The following ARHGEF26 variants were observed in gnomAD, a reference collection of about 807,000 sequenced individuals.
ARHGEF26 encodes Rho guanine nucleotide exchange factor 26.
ARHGEF26 carries 59 observed loss-of-function variants against 89.4 expected under a neutral mutation model. The observed-to-expected ratio is 0.66, with a 90% CI of 0.54 to 0.82. ARHGEF26 has a LOEUF of 0.82. ARHGEF26 is among the 40% of genes least tolerant of loss of function. The probability of loss-of-function intolerance (pLI) is 0.00; values close to 1 mark genes in which losing one functional copy is unlikely to be tolerated. For missense variants in ARHGEF26, 1,234 were observed against 1,085.6 expected (o/e 1.14, Z -1.92); for synonymous variants, 500 against 428.4 (o/e 1.17, Z -2.06).
chr3:154,249,602 G>A (rs1329138510), intron 12 of ARHGEF26, among the ~76,000 whole-genome samples: 2 of 152,148 alleles, frequency 1.3e-5, no homozygotes, highest in African/African-American at 4.8e-5. Flanking sequence ...TCTGCTCTGT[G>A]TGTTCCCTCA....
chr3:154,176,602 A>G (rs979706348), intron 6 of ARHGEF26, among the ~76,000 whole-genome samples: 9 of 152,180 alleles, frequency 5.9e-5, no homozygotes, highest in Non-Finnish European at 1.2e-4. Flanking sequence ...GCTGAGAGGC[A>G]TAAAGTGGCT....
rs115244323 is a variant in ARHGEF26, at chr3:154,158,424, A to G, written c.1487+5492A>G. ...GGAGTATTTGGGGAGTTAGAATCCT[A>G]CTGATTGTTTTTACCCTGCCTAAGA... On this transcript the variant is annotated intron_variant, in intron 6 of 14. Transcript: ENST00000465093. Among the ~76,000 whole-genome samples, 1,109 of 152,178 alleles carry G rather than the reference A, an allele frequency of 7.3e-3. 8 individuals carry two copies. The highest frequency in any genetic ancestry group is 0.025 in the African/African-American group (1,023 of 41,512).
At chr3:154,178,725 C>T (rs976584680) in intron 6 of ARHGEF26, among the ~76,000 whole-genome samples, 4 of 151,992 alleles carry the variant, frequency 2.6e-5, no homozygotes, top group African/African-American at 7.3e-5. Context: ...ATTTTTATTT[C>T]CCTCGGGTAT....
At chr3:154,172,970 T>G (rs184765221) in intron 6 of ARHGEF26, among the ~76,000 whole-genome samples, 14 of 152,320 alleles carry the variant, frequency 9.2e-5, no homozygotes, top group African/African-American at 3.1e-4. Flanking sequence ...GTAAAATGCT[T>G]ATTAAGGATC....
At chr3:154,177,194 A>G (rs115608447) in intron 6 of ARHGEF26, among the ~76,000 whole-genome samples, 566 of 152,326 alleles carry the variant, frequency 3.7e-3, no homozygotes, top group African/African-American at 6.4e-3. Context: ...AACGTATTTT[A>G]TAATTCTAAA....
chr3:154,134,931 A>G (rs759743217), intron 4 of ARHGEF26, among the ~76,000 whole-genome samples: 10 of 152,136 alleles, frequency 6.6e-5, no homozygotes, highest in African/African-American at 1.2e-4. Context: ...GATAAAGCCT[A>G]GTTGATCATG....
At chr3:154,139,027 A>G (rs1719191772) in intron 4 of ARHGEF26, among the ~76,000 whole-genome samples, 1 of 152,204 alleles carries the variant, frequency 6.6e-6, no homozygotes, top group South Asian at 2.1e-4. Flanking sequence ...CGGTCAGTGG[A>G]GAGCAGGTGT....
At position 154,152,929 on chromosome 3, in the gene ARHGEF26, A is replaced by G. The variant is rs776217579; in HGVS notation, c.1484A>G (p.Lys495Arg). ...ATTACAGATGTCTGTGAGGCAAGCA[A>G]AAAGTAAGTGCACTGCAGTCTGCCT... is the stretch of plus-strand genomic sequence containing the variant. ...SNITDVCEAS[K>R]KFFIELEARH... The change falls in exon 6 of 15, where the codon AAA becomes AGA. Residue 495 changes from lysine (K) to arginine (R), a missense_variant. Lys to Arg is a conservative substitution (Grantham distance 26, BLOSUM62 2). Coordinates refer to ENST00000465093, the MANE Select transcript of ARHGEF26 (RefSeq NM_015595.4). The G allele has an allele frequency of 1.3e-6, 2 of 1,583,070 alleles. No individual in the cohort carries two copies. The highest frequency in any genetic ancestry group is 1.7e-6 in the Non-Finnish European group (2 of 1,166,034).
chr3:154,153,445 CTA>C (rs981857103), intron 6 of ARHGEF26, among the ~76,000 whole-genome samples: 2 of 152,048 alleles, frequency 1.3e-5, no homozygotes, highest in African/African-American at 4.8e-5. Flanking sequence ...ATTTACTTAT[CTA>C]TTATTTTTGC....
At chr3:154,189,485 A>G (rs1449457866) in intron 7 of ARHGEF26, among the ~76,000 whole-genome samples, 3 of 151,826 alleles carry the variant, frequency 2.0e-5, no homozygotes, top group Admixed American at 6.6e-5. Flanking sequence ...CTACAAGTGC[A>G]TGCCACCACA....
Position 154,217,880 on chromosome 3 carries a change from A to G in ARHGEF26, c.1857A>G (p.Leu619=), listed in dbSNP as rs773014854. The G allele has an allele frequency of 5.0e-6, 8 of 1,599,196 alleles. No homozygotes were observed. Among genetic ancestry groups the G allele is most frequent in the East Asian group, 2.2e-5 (1 of 44,556 alleles). ...TTCTGTGTTCCCAGTTGGTTCGACT[A>G]TGCAATGAGGGCGCCCGGAAGATGG... is the stretch of plus-strand genomic sequence containing the variant. ...ALKEVSKLVR[L]CNEGARKMER... is the part of the protein sequence containing the mutation. Residue 619 remains leucine (L), a synonymous_variant, in exon 10 of 15, where the codon CTA becomes CTG. Coordinates refer to ENST00000465093, the MANE Select transcript of ARHGEF26 (RefSeq NM_015595.4).
chr3:154,193,546 CAT>C (rs2307602), intron 8 of ARHGEF26, among the ~76,000 whole-genome samples: 41,662 of 151,894 alleles, frequency 0.27, 7,204 homozygotes, highest in Non-Finnish European at 0.37. Flanking sequence ...ATCTGTTTCT[CAT>C]GTGTGGAAAT....
intron 1 of ARHGEF26, 30 bp from the exon 2 acceptor site, chr3:154,121,912 G>A: frequency 6.7e-7 from 1 of 1,500,040 alleles, no homozygotes. Flanking sequence ...TTGTCCAGAG[G>A]CACAGTTTCC....
At chr3:154,233,594 A>G (rs1177025219) in intron 11 of ARHGEF26, among the ~76,000 whole-genome samples, 1 of 152,242 alleles carries the variant, frequency 6.6e-6, no homozygotes, top group Non-Finnish European at 1.5e-5. Context: ...AGAGGGATTT[A>G]ATGCACGACA....
chr3:154,122,010 G>A lies in ARHGEF26; in HGVS notation c.18G>A (p.Glu6=), dbSNP rs763048960. The change falls in exon 2 of 15, where the codon GAG becomes GAA. Residue 6 remains glutamate, a synonymous_variant. Coordinates refer to ENST00000465093, the MANE Select transcript of ARHGEF26 (RefSeq NM_015595.4). ...GCCCGGCTATGGACGGCGAGAGCGAGGTGGATTTTTCTAGCAACAGCATAA... is the reference window on the plus strand; with the variant it reads ...GCCCGGCTATGGACGGCGAGAGCGAAGTGGATTTTTCTAGCAACAGCATAA... The part of the protein sequence containing the change: MDGES[E]VDFSSNSITP... 6.3e-7 allele frequency: 1 copy of A among 1,594,718 alleles called. No homozygotes were observed. The highest frequency in any genetic ancestry group is 1.7e-5 in the Admixed American group (1 of 59,324).
rs201150057 is a variant in ARHGEF26 at position 154,186,886 on chromosome 3, C to CTTTTTTTTTTTTTTTTTT, written c.1488-788_1488-771dup. 1.3e-4 allele frequency among the ~76,000 whole-genome samples: 11 copies of CTTTTTTTTTTTTTTTTTT among 82,042 alleles called. 4 individuals are homozygous for CTTTTTTTTTTTTTTTTTT. Among genetic ancestry groups the CTTTTTTTTTTTTTTTTTT allele is most frequent in the African/African-American group, 4.7e-4 (10 of 21,132 alleles). 53.8% of individuals were successfully genotyped at this position (82,042 alleles called of 152,430 possible). ...CATATACTGTTAGATTTATTTCAGA[C>CTTTTTTTTTTTTTTTTTT]TTTTTTTTTTTTTTTTTTTTTTTTT... On this transcript the variant is annotated intron_variant, in intron 6 of 14. Coordinates refer to ENST00000465093, the MANE Select transcript of ARHGEF26 (RefSeq NM_015595.4).
At chr3:154,216,284 T>G (rs1004106225) in intron 9 of ARHGEF26, among the ~76,000 whole-genome samples, 3 of 152,052 alleles carry the variant, frequency 2.0e-5, no homozygotes, top group African/African-American at 2.4e-5. Flanking sequence ...GATGCAAAAT[T>G]TGTTTTGATT....
At chr3:154,162,760 C>T (rs569403845) in intron 6 of ARHGEF26, among the ~76,000 whole-genome samples, 152 of 152,092 alleles carry the variant, frequency 1.0e-3, no homozygotes, top group Non-Finnish European at 1.5e-3. Flanking sequence ...CTTACCTCGC[C>T]CCCTGAGCTG....
intron 6 of ARHGEF26, among the ~76,000 whole-genome samples, chr3:154,160,944 C>CT (rs1308084033): frequency 6.6e-6 from 1 of 152,244 alleles, no homozygotes; most frequent in Non-Finnish European, 1.5e-5. Context: ...TGATGACCCT[C>CT]TTTACCCCAG....
Sources: allele counts gnomAD v4.1 joint callset (sites outside exome capture counted in the v4.1 genomes callset), GRCh38; gene constraint gnomAD v4.1.1; transcripts MANE v1.5; gene names NCBI Gene and HGNC (gene_info 2026-07-23, HGNC 2026-07-21).